The following PDGFC variants were observed in gnomAD, a reference collection of about 807,000 sequenced individuals.
The protein encoded by PDGFC is platelet derived growth factor C, also known as platelet-derived growth factor C.
Under a neutral mutation model 35.5 loss-of-function variants are expected in PDGFC, and 12 were observed. The observed-to-expected ratio is 0.34, with a 90% CI of 0.22 to 0.55. The LOEUF (loss-of-function observed/expected upper bound fraction) is 0.55. PDGFC is among the 20% of genes least tolerant of loss of function. The pLI is 0.91. For synonymous variants in PDGFC, 159 were observed against 148.8 expected, an observed-to-expected ratio of 1.07 and a Z score of -0.50; for missense variants, 322 against 412.4, an observed-to-expected ratio of 0.78 and a Z score of 1.90.
chr4:156,860,904 A>G (rs1386197047), intron 1 of PDGFC, among the ~76,000 whole-genome samples: 1 of 152,206 alleles, frequency 6.6e-6, no homozygotes, highest in Non-Finnish European at 1.5e-5. Flanking sequence ...AATTTTAAAA[A>G]GAACTGATGT....
Position 156,971,576 on chromosome 4 carries a change from A to T in PDGFC, c.-673T>A, listed in dbSNP as rs918450816. The stretch of plus-strand genomic sequence containing the variant: ...GCTCCCGCTCCTCAGCCCGGAGCGC[A>T]GTTGGCCCCGGGTTCGGAGCGCCGC... On this transcript the variant is annotated 5_prime_UTR_variant, in exon 1 of 6. Coordinates refer to ENST00000502773, the MANE Select transcript of PDGFC (RefSeq NM_016205.3). Among the ~76,000 whole-genome samples the T allele has an allele frequency of 7.3e-5, 11 of 151,092 alleles. No homozygotes were observed. The highest frequency in any genetic ancestry group is 2.4e-4 in the African/African-American group (10 of 41,322).
chr4:156,813,382 T>C (rs1731994568), intron 2 of PDGFC, among the ~76,000 whole-genome samples: 1 of 152,022 alleles, frequency 6.6e-6, no homozygotes, highest in African/African-American at 2.4e-5. Flanking sequence ...TCTGGGTCCA[T>C]AAAACACATT....
chr4:156,940,572 T>A (rs1275648322), intron 1 of PDGFC, among the ~76,000 whole-genome samples: 5 of 152,096 alleles, frequency 3.3e-5, no homozygotes, highest in Non-Finnish European at 7.4e-5. Context: ...AAGGAAGAGA[T>A]CTGTGCCTTT....
chr4:156,796,497 T>TTC (rs1275164198), intron 3 of PDGFC, among the ~76,000 whole-genome samples: 3 of 149,746 alleles, frequency 2.0e-5, no homozygotes, highest in Non-Finnish European at 4.4e-5. Flanking sequence ...TTGTATTTTT[T>TTC]TTTTTTTTTT....
intron 1 of PDGFC, among the ~76,000 whole-genome samples, chr4:156,963,006 A>T (rs1732378236): frequency 6.6e-6 from 1 of 152,170 alleles, no homozygotes; most frequent in South Asian, 2.1e-4. Context: ...TATATAGTAG[A>T]AATGTAAATC....
intron 1 of PDGFC, among the ~76,000 whole-genome samples, chr4:156,874,899 G>A (rs570911648): frequency 6.6e-6 from 1 of 151,824 alleles, no homozygotes; most frequent in Non-Finnish European, 1.5e-5. Context: ...GTATTTTTTT[G>A]TAGAGAAGGG....
At chr4:156,913,467 A>C (rs1731088505) in intron 1 of PDGFC, among the ~76,000 whole-genome samples, 1 of 152,228 alleles carries the variant, frequency 6.6e-6, no homozygotes, top group African/African-American at 2.4e-5. Context: ...GAACAGTGAC[A>C]ACCAATGAAC....
intron 3 of PDGFC, among the ~76,000 whole-genome samples, chr4:156,793,480 AC>A (rs903707032): frequency 6.7e-6 from 1 of 149,580 alleles, no homozygotes; most frequent in Non-Finnish European, 1.5e-5. Context: ...AGAAAAAAAA[AC>A]AATTTCATAT....
chr4:156,799,728 T>C (rs1017020709), intron 3 of PDGFC, among the ~76,000 whole-genome samples: 3 of 152,194 alleles, frequency 2.0e-5, no homozygotes, highest in Non-Finnish European at 4.4e-5. Context: ...ATTGATGAAA[T>C]ATGACTGATA....
At chr4:156,863,772 T>C (rs1025687597) in intron 1 of PDGFC, among the ~76,000 whole-genome samples, 1 of 152,124 alleles carries the variant, frequency 6.6e-6, no homozygotes, top group Admixed American at 6.6e-5. Context: ...AATTTCATAT[T>C]AACTTAGAGA....
At chr4:156,853,940 G>A (rs1041882382) in intron 1 of PDGFC, among the ~76,000 whole-genome samples, 1 of 152,098 alleles carries the variant, frequency 6.6e-6, no homozygotes, top group Admixed American at 6.6e-5. Context: ...TCCAGCCTTG[G>A]TGACAGAGCA....
chr4:156,774,653 T>TA (rs888997586), intron 3 of PDGFC, among the ~76,000 whole-genome samples: 2 of 96,520 alleles, frequency 2.1e-5, no homozygotes, highest in Non-Finnish European at 3.8e-5. Flanking sequence ...GATTTCATCC[T>TA]TTTTTTTTTT....
At chr4:156,803,905 G>A (rs1318960442) in intron 3 of PDGFC, among the ~76,000 whole-genome samples, 1 of 152,078 alleles carries the variant, frequency 6.6e-6, no homozygotes, top group African/African-American at 2.4e-5. Context: ...AACAAGTTTA[G>A]TGTTGAACAG....
At chr4:156,881,437 A>G (rs987617896) in intron 1 of PDGFC, among the ~76,000 whole-genome samples, 1 of 152,160 alleles carries the variant, frequency 6.6e-6, no homozygotes, top group African/African-American at 2.4e-5. Context: ...TTCCCACCCA[A>G]ATCTCATCTT....
At chr4:156,865,322 G>A (rs1010441367) in intron 1 of PDGFC, among the ~76,000 whole-genome samples, 3 of 151,850 alleles carry the variant, frequency 2.0e-5, no homozygotes, top group East Asian at 1.9e-4. Flanking sequence ...CAGGAAAAAC[G>A]CATATCCAAT....
chr4:156,848,002 G>T (rs1002567492), intron 2 of PDGFC, among the ~76,000 whole-genome samples: 4 of 151,610 alleles, frequency 2.6e-5, no homozygotes, highest in African/African-American at 9.7e-5. Context: ...CATACTATTG[G>T]ATACCCTCCT....
intron 1 of PDGFC, among the ~76,000 whole-genome samples, chr4:156,897,466 A>C (rs973554178): frequency 5.3e-5 from 8 of 151,916 alleles, no homozygotes; most frequent in Non-Finnish European, 1.2e-4. Context: ...CTACACATAC[A>C]CTTTCTGGCC....
At chr4:156,911,576 A>G (rs1045569738) in intron 1 of PDGFC, among the ~76,000 whole-genome samples, 3 of 152,238 alleles carry the variant, frequency 2.0e-5, no homozygotes, top group Admixed American at 6.5e-5. Context: ...GCTTTCATTT[A>G]TTAAATCTTA....
At chr4:156,926,477 G>A (rs990110737) in intron 1 of PDGFC, among the ~76,000 whole-genome samples, 1 of 152,120 alleles carries the variant, frequency 6.6e-6, no homozygotes, top group Non-Finnish European at 1.5e-5. Flanking sequence ...GTGAGGACAG[G>A]CACTCCTATT....
Sources: gnomAD v4.1 joint callset for allele counts (sites outside exome capture counted in the v4.1 genomes callset) on GRCh38, gnomAD v4.1.1 for gene constraint, MANE v1.5 for transcripts, NCBI Gene and HGNC (gene_info 2026-07-23, HGNC 2026-07-21) for gene names.